The following CERS6 variants were observed in gnomAD, a reference collection of about 807,000 sequenced individuals.
The protein encoded by CERS6 is ceramide synthase 6.
CERS6 carries 26 observed loss-of-function variants against 56.8 expected under a neutral mutation model. The ratio of observed to expected loss-of-function variants is 0.46; its 90% confidence interval spans 0.34 to 0.63. CERS6 has a LOEUF of 0.63. Among genes scored for constraint, CERS6 ranks in the 30% least tolerant of loss-of-function variants. CERS6 has a pLI of 0.01. For synonymous variants in CERS6, 164 were observed against 173.3 expected, an observed-to-expected ratio of 0.95 and a Z score of 0.42; for missense variants, 415 against 467.5, an observed-to-expected ratio of 0.89 and a Z score of 1.04.
chr2:168,527,656 C>T lies in CERS6; in HGVS notation c.171-19940C>T, dbSNP rs185604981. On this transcript the variant is annotated intron_variant, in intron 1 of 9. Coordinates refer to ENST00000305747, the MANE Select transcript of CERS6 (RefSeq NM_203463.3). ...TGCATCCTCTGGAGTGGAGGAATGC[C>T]GTTCTTCCCATGGCAGAAGAACAGA... 5.9e-5 allele frequency among the ~76,000 whole-genome samples: 9 copies of T among 152,258 alleles called. No individual in the cohort carries two copies. The South Asian group carries it at 6.2e-4, about 11-fold the overall frequency.
intron 4 of CERS6, among the ~76,000 whole-genome samples, chr2:168,689,556 G>C (rs1433611210): frequency 2.0e-5 from 3 of 152,098 alleles, no homozygotes; most frequent in Non-Finnish European, 4.4e-5. Flanking sequence ...CTCCCAAGTA[G>C]TTTTATGCAC....
intron 1 of CERS6, among the ~76,000 whole-genome samples, chr2:168,533,779 G>T (rs926375566): frequency 6.6e-6 from 1 of 152,086 alleles, no homozygotes; most frequent in African/African-American, 2.4e-5. Context: ...GGTTGGGGAA[G>T]TTATCCTGGG....
At chr2:168,768,281 G>A (rs1309562297) in intron 9 of CERS6, among the ~76,000 whole-genome samples, 1 of 151,422 alleles carries the variant, frequency 6.6e-6, no homozygotes. Context: ...TCTGGCTGGA[G>A]TGCAATGGCG....
intron 4 of CERS6, among the ~76,000 whole-genome samples, chr2:168,668,792 A>G (rs796583644): frequency 1.3e-4 from 20 of 152,308 alleles, no homozygotes; most frequent in African/African-American, 4.6e-4. Context: ...GTATTAAACT[A>G]TGCTAATTAT....
intron 6 of CERS6, among the ~76,000 whole-genome samples, chr2:168,704,524 A>G (rs571940643): frequency 1.3e-5 from 2 of 152,160 alleles, no homozygotes; most frequent in Non-Finnish European, 2.9e-5. Context: ...AAATATAAAC[A>G]AACCCGTTCA....
chr2:168,578,556 G>A (rs886969002), intron 3 of CERS6, among the ~76,000 whole-genome samples: 3 of 151,976 alleles, frequency 2.0e-5, no homozygotes, highest in Non-Finnish European at 4.4e-5. Context: ...TTAATTTCAG[G>A]AAGCACATCC....
chr2:168,517,925 T>A (rs537869394), intron 1 of CERS6, among the ~76,000 whole-genome samples: 13 of 152,242 alleles, frequency 8.5e-5, no homozygotes, highest in Admixed American at 6.5e-5. Flanking sequence ...AGAGAAAAAA[T>A]TAAGATGCGT....
At chr2:168,463,216 G>A (rs962043270) in intron 1 of CERS6, among the ~76,000 whole-genome samples, 1 of 152,078 alleles carries the variant, frequency 6.6e-6, no homozygotes, top group Non-Finnish European at 1.5e-5. Flanking sequence ...AACAATTTTG[G>A]TGTCTCCTAT....
rs533856435 is a variant in CERS6 at position 168,772,129 on chromosome 2, C to G, written c.*2467C>G. 3 of 152,218 alleles carry G rather than the reference C, an allele frequency of 2.0e-5. No individual in the cohort carries two copies. Among genetic ancestry groups the G allele is most frequent in the Non-Finnish European group, 4.4e-5 (3 of 68,044 alleles). 9.4% of individuals were successfully genotyped at this position (152,218 alleles called of 1,614,324 possible). On this transcript the variant is annotated 3_prime_UTR_variant, in exon 10 of 10. Coordinates refer to ENST00000305747, the MANE Select transcript of CERS6 (RefSeq NM_203463.3). ...ATATGTGCAGTATCTCATCCTCCCC[C>G]TGTACCAGGCCATAGCTTTGAAGTG... is the stretch of plus-strand genomic sequence containing the variant.
chr2:168,758,958 G>C lies in CERS6; in HGVS notation c.846-6634G>C, dbSNP rs555475157. Among the ~76,000 whole-genome samples, 10 of 152,186 alleles carry C rather than the reference G, an allele frequency of 6.6e-5. No individual in the cohort carries two copies. The East Asian group carries it at 7.7e-4, about 12-fold the overall frequency. ...CTTGTGTTTGCCTCACAAAAAAAAA[G>C]ATTGTGAACTGTTCTGCATGAATGT... is the stretch of plus-strand genomic sequence containing the variant. On this transcript the variant is annotated intron_variant, in intron 8 of 9. Transcript: ENST00000305747.
At chr2:168,701,944 T>C (rs1350047689) in intron 6 of CERS6, among the ~76,000 whole-genome samples, 3 of 152,202 alleles carry the variant, frequency 2.0e-5, no homozygotes, top group African/African-American at 7.2e-5. Context: ...GATTACATAA[T>C]ACCTAATGCC....
intron 1 of CERS6, among the ~76,000 whole-genome samples, chr2:168,487,987 T>TCCG (rs1694305294): frequency 6.6e-6 from 1 of 152,196 alleles, no homozygotes; most frequent in South Asian, 2.1e-4. Context: ...CCCAAAGTAC[T>TCCG]GGGATTACAG....
At chr2:168,506,561 A>G (rs1389191825) in intron 1 of CERS6, among the ~76,000 whole-genome samples, 1 of 152,192 alleles carries the variant, frequency 6.6e-6, no homozygotes, top group East Asian at 1.9e-4. Context: ...TTCAGATTCA[A>G]ATGAGTTTGT....
At chr2:168,581,797 T>A (rs1683418273) in intron 3 of CERS6, among the ~76,000 whole-genome samples, 1 of 152,218 alleles carries the variant, frequency 6.6e-6, no homozygotes, top group Admixed American at 6.5e-5. Flanking sequence ...ATGGAACCTG[T>A]TTTTCCTTGT....
At chr2:168,733,186 C>T (rs1421951914) in intron 8 of CERS6, among the ~76,000 whole-genome samples, 1 of 152,146 alleles carries the variant, frequency 6.6e-6, no homozygotes, top group African/African-American at 2.4e-5. Context: ...TCAGACAAAA[C>T]AGCTTCATTG....
In CERS6 at chr2:168,456,478, C is replaced by A. The variant is rs780908134; in HGVS notation, c.30C>A (p.Asn10Lys). 2.4e-5 allele frequency: 38 copies of A among 1,613,778 alleles called. No individual in the cohort carries two copies. The highest frequency in any genetic ancestry group is 3.3e-5 in the Admixed American group (2 of 60,002). MAGILAWFW[N>K]ERFWLPHNVT... is the part of the protein sequence containing the mutation. ...CAGGGATCTTAGCCTGGTTCTGGAACGAGAGGTTTTGGCTCCCGCACAATG... is the reference window on the plus strand; with the variant it reads ...CAGGGATCTTAGCCTGGTTCTGGAAAGAGAGGTTTTGGCTCCCGCACAATG... Residue 10 changes from asparagine (N) to lysine (K), a missense_variant, in exon 1 of 10, where the codon AAC (asparagine) becomes AAA (lysine). Asn to Lys is a moderately conservative substitution (Grantham distance 94). Transcript: ENST00000305747. This position sits in a 1 kb window ranked among gnomAD's most constrained non-coding sequence, Gnocchi z 4.1.
At chr2:168,577,199 G>A (rs777628400) in intron 3 of CERS6, among the ~76,000 whole-genome samples, 6 of 152,138 alleles carry the variant, frequency 3.9e-5, no homozygotes, top group East Asian at 1.9e-4. Flanking sequence ...AGACAGCCTC[G>A]TATGAGAGGT....
intron 3 of CERS6, among the ~76,000 whole-genome samples, chr2:168,576,927 A>G (rs1224166172): frequency 6.6e-6 from 1 of 152,138 alleles, no homozygotes; most frequent in African/African-American, 2.4e-5. Context: ...GTTGCCCTTG[A>G]GTGGGTTGAG....
chr2:168,584,430 G>C (rs1683493030), intron 3 of CERS6, among the ~76,000 whole-genome samples: 2 of 152,196 alleles, frequency 1.3e-5, no homozygotes, highest in Non-Finnish European at 2.9e-5. Flanking sequence ...GTGAGAGAGA[G>C]AAAGACAGAC....
Sources: gnomAD v4.1 joint callset for allele counts (sites outside exome capture counted in the v4.1 genomes callset) on GRCh38, gnomAD v4.1.1 for gene constraint, Gnocchi (gnomAD v3.1) non-coding constraint, MANE v1.5 for transcripts, NCBI Gene and HGNC (gene_info 2026-07-23, HGNC 2026-07-21) for gene names.